The following ACKR3 variants were observed in gnomAD, a reference collection of about 807,000 sequenced individuals.
ACKR3 encodes the protein atypical chemokine receptor 3, also known as C-X-C chemokine receptor type 7.
A neutral mutation model predicts 22.4 loss-of-function variants in ACKR3; 6 were observed. That is an observed-to-expected ratio of 0.27 (90% CI 0.15 to 0.53). The LOEUF is 0.53. Among genes scored for constraint, ACKR3 ranks in the 20% least tolerant of loss-of-function variants. ACKR3 has a pLI of 0.96. For missense variants in ACKR3, 396 were observed against 475.2 expected (o/e 0.83, Z 1.55); for synonymous variants, 209 against 205.2 (o/e 1.02, Z -0.16).
the ACKR3 span, among the ~76,000 whole-genome samples, chr2:236,556,535 A>C: frequency 6.6e-6 from 1 of 152,124 alleles, no homozygotes; most frequent in Non-Finnish European, 1.5e-5. Flanking sequence ...CGATTCGAGG[A>C]GGGGCCCAAG....
chr2:236,559,080 A>G, the ACKR3 span, among the ~76,000 whole-genome samples: 3 of 152,310 alleles, frequency 2.0e-5, no homozygotes, highest in Non-Finnish European at 4.4e-5. Context: ...GTTTGACCCT[A>G]TGTGTTTAGT....
the ACKR3 span, among the ~76,000 whole-genome samples, chr2:236,540,061 G>T: frequency 1.3e-5 from 2 of 152,150 alleles, 1 homozygote; most frequent in South Asian, 4.1e-4. Context: ...ACAGCCAACT[G>T]TATCATATAG....
the ACKR3 span, among the ~76,000 whole-genome samples, chr2:236,554,195 G>A: frequency 6.6e-6 from 1 of 152,152 alleles, no homozygotes; most frequent in African/African-American, 2.4e-5. Context: ...TAACTTCGAG[G>A]GGTTATTAAC....
At chr2:236,578,936 AG>A (rs1427787890) in intron 1 of ACKR3, among the ~76,000 whole-genome samples, 1 of 152,216 alleles carries the variant, frequency 6.6e-6, no homozygotes, top group Admixed American at 6.5e-5. Flanking sequence ...GGGAGGGAGA[AG>A]GGGGTGACGT....
the ACKR3 span, among the ~76,000 whole-genome samples, chr2:236,557,717 T>C: frequency 3.3e-5 from 5 of 152,188 alleles, no homozygotes; most frequent in South Asian, 4.1e-4. Context: ...AAAATACTTA[T>C]TAATGACATA....
the ACKR3 span, among the ~76,000 whole-genome samples, chr2:236,548,519 G>A: frequency 6.6e-6 from 1 of 152,226 alleles, no homozygotes; most frequent in Middle Eastern, 3.4e-3. The surrounding 1 kb of genome is among the most constrained non-coding windows in gnomAD (Gnocchi z 4.3). Context: ...CATCTCCCTC[G>A]TTAATCTTCC....
At chr2:236,555,040 G>A in the ACKR3 span, among the ~76,000 whole-genome samples, 5 of 152,222 alleles carry the variant, frequency 3.3e-5, no homozygotes, top group Non-Finnish European at 5.9e-5. Context: ...TGCCAATCAA[G>A]TGGTTGCCAA....
At chr2:236,558,877 A>G in the ACKR3 span, among the ~76,000 whole-genome samples, 1 of 152,238 alleles carries the variant, frequency 6.6e-6, no homozygotes, top group Non-Finnish European at 1.5e-5. Flanking sequence ...TTTAAATCTT[A>G]AAACCATGAT....
chr2:236,550,370 C>T, the ACKR3 span, among the ~76,000 whole-genome samples: 3 of 152,218 alleles, frequency 2.0e-5, no homozygotes, highest in African/African-American at 4.8e-5. This position sits in a 1 kb window ranked among gnomAD's most constrained non-coding sequence, Gnocchi z 4.6. Flanking sequence ...ACGCTGCTCA[C>T]CTTGGCAAAA....
the ACKR3 span, among the ~76,000 whole-genome samples, chr2:236,555,543 A>G: frequency 6.6e-6 from 1 of 152,286 alleles, no homozygotes; most frequent in Non-Finnish European, 1.5e-5. Context: ...TGAAACTAAG[A>G]AGAAATGAGC....
the ACKR3 span, among the ~76,000 whole-genome samples, chr2:236,540,768 C>A: frequency 2.0e-5 from 3 of 152,138 alleles, no homozygotes; most frequent in Admixed American, 6.5e-5. Context: ...CCTCATTGAT[C>A]GCATTGGTGT....
the ACKR3 span, among the ~76,000 whole-genome samples, chr2:236,547,998 G>A: frequency 9.2e-5 from 14 of 152,120 alleles, no homozygotes; most frequent in African/African-American, 3.4e-4. Flanking sequence ...ATTCTCTGAA[G>A]TCTTTCCTTC....
the ACKR3 span, among the ~76,000 whole-genome samples, chr2:236,554,075 G>T: frequency 6.6e-6 from 1 of 152,178 alleles, no homozygotes; most frequent in African/African-American, 2.4e-5. Flanking sequence ...TGGATACAGA[G>T]CTCAATCTCA....
upstream of ACKR3, among the ~76,000 whole-genome samples, chr2:236,567,242 G>A (rs180965682): frequency 4.0e-3 from 602 of 152,154 alleles, 4 homozygotes; most frequent in African/African-American, 0.014. Context: ...CTCGCGATCC[G>A]CCCGCCTCGG....
At position 236,580,440 on chromosome 2, in the gene ACKR3, G is replaced by A. The variant is rs368651063; in HGVS notation, c.-26G>A. On this transcript the variant is annotated splice_region_variant and 5_prime_UTR_variant, in exon 2 of 2. Coordinates refer to ENST00000272928, the MANE Select transcript of ACKR3 (RefSeq NM_020311.3). ...TTTTGTTTGCTTGGTTTTCTCATAG[G>A]TCATTTGATTGCCCGCCTCAGAACG... 1.1e-4 allele frequency: 171 copies of A among 1,591,342 alleles called. No homozygotes were observed. The highest frequency in any genetic ancestry group is 1.4e-4 in the Non-Finnish European group (160 of 1,163,646).
chr2:236,546,017 T>G, the ACKR3 span, among the ~76,000 whole-genome samples: 1 of 152,196 alleles, frequency 6.6e-6, no homozygotes, highest in East Asian at 1.9e-4. The surrounding 1 kb of genome is among the most constrained non-coding windows in gnomAD (Gnocchi z 4.9). Context: ...ACTGTAAGTT[T>G]TGCTTCCTTT....
Position 236,581,790 on chromosome 2 carries a change from C to A in ACKR3, c.*236C>A. The stretch of plus-strand genomic sequence containing the variant: ...AGCTGTGTCGCACAGCAGTGCTGTG[C>A]GTCAGAGCCAGCTGAGGACAGGCTT... On this transcript the variant is annotated 3_prime_UTR_variant, in exon 2 of 2. Coordinates refer to ENST00000272928, the MANE Select transcript of ACKR3 (RefSeq NM_020311.3). This position sits in a 1 kb window ranked among gnomAD's most constrained non-coding sequence, Gnocchi z 4.4. 1 of 419,934 alleles carries A rather than the reference C, an allele frequency of 2.4e-6. No individual in the cohort carries two copies. The allele number at this position is 419,934 out of a possible 1,614,324, so 26.0% of individuals were successfully genotyped here.
Position 236,581,107 on chromosome 2 carries a change from G to A in ACKR3, c.642G>A (p.Leu214=). ...SIKEWLIGME[L]VSVVLGFAVP... ...AGGAGTGGCTGATCGGCATGGAGCT[G>A]GTCTCCGTTGTCTTGGGCTTTGCCG... The change falls in exon 2 of 2, where the codon CTG becomes CTA. Residue 214 remains leucine (L), a synonymous_variant. Coordinates refer to ENST00000272928, the MANE Select transcript of ACKR3 (RefSeq NM_020311.3). This position sits in a 1 kb window ranked among gnomAD's most constrained non-coding sequence, Gnocchi z 4.4. The A allele has an allele frequency of 6.2e-7, 1 of 1,614,176 alleles. No homozygotes were observed. The highest frequency in any genetic ancestry group is 8.5e-7 in the Non-Finnish European group (1 of 1,180,026).
the ACKR3 span, among the ~76,000 whole-genome samples, chr2:236,561,089 G>A: frequency 6.6e-6 from 1 of 152,184 alleles, no homozygotes; most frequent in Non-Finnish European, 1.5e-5. Flanking sequence ...TGTATATGAG[G>A]TAGCTAAAAT....
Sources: gnomAD v4.1 joint callset for allele counts (sites outside exome capture counted in the v4.1 genomes callset) on GRCh38, gnomAD v4.1.1 for gene constraint, Gnocchi (gnomAD v3.1) non-coding constraint, MANE v1.5 for transcripts, NCBI Gene and HGNC (gene_info 2026-07-23, HGNC 2026-07-21) for gene names.